GON4L: variants seen among roughly 807,000 people sequenced by gnomAD.
GON4L encodes the protein GON-4-like protein.
A neutral mutation model predicts 211.8 loss-of-function variants in GON4L; 87 were observed. The observed-to-expected ratio is 0.41, with a 90% CI of 0.35 to 0.49. The LOEUF (loss-of-function observed/expected upper bound fraction) is 0.49, where lower values mean the gene tolerates loss of function less well. Among genes scored for constraint, GON4L ranks in the 20% least tolerant of loss-of-function variants. GON4L has a pLI of 0.15. For synonymous variants in GON4L, 875 were observed against 962.6 expected (o/e 0.91, Z 1.68); for missense variants, 2,155 against 2,659.5 (o/e 0.81, Z 4.17).
At chr1:155,818,542 AAG>A (rs1668457909) in intron 6 of GON4L, among the ~76,000 whole-genome samples, 1 of 152,214 alleles carries the variant, frequency 6.6e-6, no homozygotes, top group African/African-American at 2.4e-5. Flanking sequence ...TTTATGCAAC[AAG>A]AGTTAGTCAA....
At chr1:155,806,478 TG>T (rs1027877026) in intron 10 of GON4L, among the ~76,000 whole-genome samples, 3 of 151,580 alleles carry the variant, frequency 2.0e-5, no homozygotes, top group Non-Finnish European at 2.9e-5. Flanking sequence ...GAGATGGGGG[TG>T]GGGGGACTCC....
rs373774030 is a variant in GON4L at position 155,820,476 on chromosome 1, G to A, written c.1014+130C>T. ...ATGATCATGTAGAAACAATTCTACT[G>A]TCTTTTATAAATATTTCTTTAAAGA... On this transcript the variant is annotated intron_variant, in intron 6 of 31. Transcript: ENST00000368331. 4.3e-6 allele frequency: 3 copies of A among 695,054 alleles called. No individual in the cohort carries two copies. The Admixed American group carries it at 6.1e-5, about 14-fold the overall frequency. 43.1% of individuals were successfully genotyped at this position (695,054 alleles called of 1,614,324 possible).
chr1:155,827,143 AT>A, intron 2 of GON4L, 115 bp from the exon 3 acceptor site: 1 of 776,288 alleles, frequency 1.3e-6, no homozygotes, highest in Non-Finnish European at 2.3e-6. Flanking sequence ...AATTAAGCAT[AT>A]ACTATATAGG....
At chr1:155,823,749 C>T (rs945184531) in intron 3 of GON4L, among the ~76,000 whole-genome samples, 15 of 151,760 alleles carry the variant, frequency 9.9e-5, no homozygotes, top group Middle Eastern at 3.2e-3. Flanking sequence ...ACAAATTAGC[C>T]GGGCATGGTG....
At chr1:155,818,009 G>A (rs945140642) in intron 6 of GON4L, among the ~76,000 whole-genome samples, 1 of 151,476 alleles carries the variant, frequency 6.6e-6, no homozygotes, top group African/African-American at 2.4e-5. Flanking sequence ...ATACCGTCTT[G>A]GATGGCCCAA....
At chr1:155,804,527 A>G (rs1292556440) in intron 11 of GON4L, among the ~76,000 whole-genome samples, 1 of 152,062 alleles carries the variant, frequency 6.6e-6, no homozygotes, top group Non-Finnish European at 1.5e-5. Context: ...GCTCATGCCT[A>G]TAATTCTAGC....
At chr1:155,749,443 G>T, downstream of GON4L, 1 of 1,572,220 alleles carries the variant, frequency 6.4e-7, no homozygotes, top group African/African-American at 1.5e-5. Context: ...TCAGTGTAAC[G>T]GTTGCTCCTG....
In GON4L at chr1:155,757,254, C is replaced by T. The variant is rs780964607; in HGVS notation, c.5323G>A (p.Asp1775Asn). 6.2e-7 allele frequency: 1 copy of T among 1,613,916 alleles called. No individual in the cohort carries two copies. The highest frequency in any genetic ancestry group is 1.7e-5 in the Admixed American group (1 of 60,008). ...CGGCTAGCTGCTGGGCGCAAGTGGT[C>T]AAAGAAGATAGAAAACTCATCCTGC... The part of the protein sequence containing the change: ...HLQDEFSIFF[D>N]HLRPAASRMG... The change falls in exon 26 of 32, where the codon GAC becomes AAC. Residue 1775 changes from aspartate to asparagine, a missense_variant. Physicochemically the swap from Asp to Asn is conservative, Grantham distance 23. Transcript: ENST00000368331.
chr1:155,851,171 G>A (rs112679289), intron 2 of GON4L, among the ~76,000 whole-genome samples: 21 of 150,404 alleles, frequency 1.4e-4, no homozygotes, highest in African/African-American at 4.9e-4. Context: ...TGGCTAACAC[G>A]GTAAAACCCC....
chr1:155,858,636 GT>G (rs60054192), upstream of GON4L, among the ~76,000 whole-genome samples: 3,558 of 107,844 alleles, frequency 0.033, 109 homozygotes, highest in African/African-American at 0.11. Flanking sequence ...TTCATTAGTT[GT>G]TTTTTTTTTT....
At position 155,796,120 on chromosome 1, in the gene GON4L, T is replaced by C. The variant is rs146750441; in HGVS notation, c.1646-969A>G. On this transcript the variant is annotated intron_variant, in intron 11 of 31. Coordinates refer to ENST00000368331, the MANE Select transcript of GON4L (RefSeq NM_001282860.2). Reference sequence around the variant, plus strand: ...AACCATTCTATAAAAGTTCAATACATGTATGACAAAAGTACAATATATACA... The same window carrying C: ...AACCATTCTATAAAAGTTCAATACACGTATGACAAAAGTACAATATATACA... Among the ~76,000 whole-genome samples the C allele has an allele frequency of 5.2e-3, 792 of 152,178 alleles. 5 individuals are homozygous for C. Among genetic ancestry groups the C allele is most frequent in the African/African-American group, 0.018 (746 of 41,528 alleles).
At chr1:155,790,075 A>G (rs1483136240) in intron 12 of GON4L, among the ~76,000 whole-genome samples, 1 of 151,926 alleles carries the variant, frequency 6.6e-6, no homozygotes, top group African/African-American at 2.4e-5. Flanking sequence ...AGTAGCTGGG[A>G]CTACAAGCAC....
rs539535901 is a variant in GON4L, at chr1:155,771,028, T to G, written c.2646+39A>C. The G allele has an allele frequency of 5.6e-6, 9 of 1,613,838 alleles. No individual in the cohort carries two copies. The South Asian group carries it at 9.9e-5, about 18-fold the overall frequency. On this transcript the variant is annotated intron_variant, in intron 19 of 31. Transcript: ENST00000368331. ...ACAAGATAAAAGAATGGGTACATAT[T>G]GGTGAGGTGCCCGGATGGCGCATGC...
chr1:155,845,617 G>A (rs1201310953), intron 2 of GON4L: 1 of 325,980 alleles, frequency 3.1e-6, no homozygotes, highest in Non-Finnish European at 6.2e-6. Flanking sequence ...GAATGTTTAA[G>A]AGGGTGAATG....
At chr1:155,813,192 G>C (rs1282327036) in intron 10 of GON4L, among the ~76,000 whole-genome samples, 1 of 152,128 alleles carries the variant, frequency 6.6e-6, no homozygotes, top group Non-Finnish European at 1.5e-5. Flanking sequence ...ACCACTTTGA[G>C]AGGCTAAGGT....
intron 21 of GON4L, 90 bp from the exon 22 acceptor site, chr1:155,763,654 T>TAA: frequency 8.6e-7 from 1 of 1,169,098 alleles, no homozygotes; most frequent in Non-Finnish European, 1.2e-6. Flanking sequence ...AATCTGAAGT[T>TAA]AAACAATGGG....
At chr1:155,751,687 A>T in intron 31 of GON4L, 80 bp downstream of exon 31, 6 of 905,770 alleles carry the variant, frequency 6.6e-6, no homozygotes, top group African/African-American at 1.7e-5. Context: ...GGATATCAAA[A>T]CTCCTTCTTT....
intron 19 of GON4L, among the ~76,000 whole-genome samples, chr1:155,769,047 G>A (rs1008284716): frequency 2.6e-5 from 4 of 152,084 alleles, no homozygotes; most frequent in Admixed American, 6.6e-5. Context: ...AGTGATCCAC[G>A]CTTACTGAAC....
chr1:155,785,413 A>C, intron 12 of GON4L, 39 bp from the exon 13 acceptor site: 2 of 1,381,162 alleles, frequency 1.4e-6, no homozygotes, highest in Non-Finnish European at 2.1e-6. Context: ...GGTATAAATT[A>C]GATTTTACAA....
Sources: gnomAD v4.1 joint callset for allele counts (sites outside exome capture counted in the v4.1 genomes callset) on GRCh38, gnomAD v4.1.1 for gene constraint, MANE v1.5 for transcripts, NCBI Gene and HGNC (gene_info 2026-07-23, HGNC 2026-07-21) for gene names.